The following CMTM8 variants were observed in gnomAD, a reference collection of about 807,000 sequenced individuals.
The protein encoded by CMTM8 is CKLF-like MARVEL transmembrane domain-containing protein 8.
Under a neutral mutation model 18.6 loss-of-function variants are expected in CMTM8, and 12 were observed. The ratio of observed to expected loss-of-function variants is 0.65; its 90% confidence interval spans 0.41 to 1.05. The LOEUF is 1.05. Ranked by LOEUF, CMTM8 falls within the 50% of genes least tolerant of loss-of-function variation. The pLI, the probability that CMTM8 is intolerant of heterozygous loss-of-function variation, is 0.00. For missense variants in CMTM8, 217 were observed against 227.2 expected (o/e 0.95, Z 0.29); for synonymous variants, 87 against 90.6 (o/e 0.96, Z 0.23).
intron 1 of CMTM8, among the ~76,000 whole-genome samples, chr3:32,273,339 C>CAG (rs546639717): frequency 1.4e-4 from 22 of 152,034 alleles, no homozygotes; most frequent in Non-Finnish European, 2.9e-4. Context: ...TGTACACACA[C>CAG]ACACACACAT....
intron 1 of CMTM8, among the ~76,000 whole-genome samples, chr3:32,270,005 C>G (rs1446685097): frequency 6.6e-6 from 1 of 151,958 alleles, no homozygotes; most frequent in South Asian, 2.1e-4. Context: ...AACTCCTATA[C>G]TCAAGTAATC....
intron 1 of CMTM8, among the ~76,000 whole-genome samples, chr3:32,307,270 G>T (rs989193718): frequency 7.2e-5 from 11 of 152,318 alleles, no homozygotes; most frequent in African/African-American, 2.4e-4. Flanking sequence ...AAACCGGAAG[G>T]TAGAGGTTTT....
chr3:32,274,034 G>A (rs1382773729), intron 1 of CMTM8, among the ~76,000 whole-genome samples: 1 of 152,056 alleles, frequency 6.6e-6, no homozygotes, highest in Non-Finnish European at 1.5e-5. Context: ...TTTTAGCTGG[G>A]CACGGTGGCT....
intron 3 of CMTM8, 128 bp from the exon 4 acceptor site, chr3:32,369,756 G>A (rs1695612694): frequency 3.8e-6 from 2 of 524,498 alleles, no homozygotes; most frequent in African/African-American, 3.8e-5. Context: ...CAATAAAGTA[G>A]TTTTAGATGG....
At position 32,367,944 on chromosome 3, in the gene CMTM8, C is replaced by G; in HGVS notation, c.394C>G (p.Pro132Ala). 2 of 1,614,054 alleles carry G rather than the reference C, an allele frequency of 1.2e-6. No individual in the cohort carries two copies. Among genetic ancestry groups the G allele is most frequent in the Non-Finnish European group, 1.7e-6 (2 of 1,179,912 alleles). ...TGTTGTAGATGCATCTTCCGTCTCC[C>G]CTGAGAGGGACAGTCACAACTTCAA... ...AAVVDASSVS[P>A]ERDSHNFNSW... Residue 132 changes from proline (P) to alanine (A), a missense_variant, in exon 3 of 4, where the codon CCT (proline) becomes GCT (alanine). Pro to Ala is a conservative substitution (Grantham distance 27). Transcript: ENST00000307526.
At chr3:32,276,739 T>C (rs1164489711) in intron 1 of CMTM8, among the ~76,000 whole-genome samples, 1 of 152,220 alleles carries the variant, frequency 6.6e-6, no homozygotes, top group Non-Finnish European at 1.5e-5. Flanking sequence ...TGTCTTCCTT[T>C]ATGCCACCTC....
At chr3:32,333,012 G>T (rs1696310953) in intron 1 of CMTM8, among the ~76,000 whole-genome samples, 1 of 152,120 alleles carries the variant, frequency 6.6e-6, no homozygotes, top group Admixed American at 6.5e-5. Flanking sequence ...TACATAGATG[G>T]TAGCAGTCTA....
chr3:32,351,771 A>C (rs1358833963), intron 1 of CMTM8, among the ~76,000 whole-genome samples: 1 of 152,118 alleles, frequency 6.6e-6, no homozygotes, highest in Non-Finnish European at 1.5e-5. Flanking sequence ...TATGACTTTG[A>C]AAAATAAAAC....
chr3:32,327,711 G>A (rs568617053), intron 1 of CMTM8, among the ~76,000 whole-genome samples: 1 of 152,248 alleles, frequency 6.6e-6, no homozygotes, highest in South Asian at 2.1e-4. Context: ...TTTTTTATGT[G>A]GCAGGTCAAA....
At chr3:32,355,405 C>T (rs1180568585) in intron 1 of CMTM8, among the ~76,000 whole-genome samples, 6 of 152,070 alleles carry the variant, frequency 3.9e-5, no homozygotes, top group Admixed American at 2.0e-4. Context: ...CCATTGTATC[C>T]GCTCCCTTCT....
At chr3:32,240,882 G>C (rs547037178) in intron 1 of CMTM8, among the ~76,000 whole-genome samples, 1 of 152,142 alleles carries the variant, frequency 6.6e-6, no homozygotes, top group South Asian at 2.1e-4. Context: ...TGACCTCTTG[G>C]GCTCAAGCGA....
intron 1 of CMTM8, among the ~76,000 whole-genome samples, chr3:32,298,311 A>G (rs1303168227): frequency 6.6e-6 from 1 of 152,054 alleles, no homozygotes; most frequent in African/African-American, 2.4e-5. Flanking sequence ...ATCTCAAGCA[A>G]TCCACCCGCA....
intron 3 of CMTM8, 86 bp from the exon 4 acceptor site, chr3:32,369,798 G>A (rs1695613340): frequency 1.3e-6 from 1 of 743,944 alleles, no homozygotes; most frequent in Admixed American, 2.1e-5. Flanking sequence ...GGTAGTGAGT[G>A]GGTGATTCAA....
At chr3:32,278,142 A>G (rs987276510) in intron 1 of CMTM8, among the ~76,000 whole-genome samples, 1 of 152,136 alleles carries the variant, frequency 6.6e-6, no homozygotes, top group Non-Finnish European at 1.5e-5. Context: ...CTTCAGTAGG[A>G]TGGAGAAGTA....
chr3:32,281,397 TC>T (rs947995794), intron 1 of CMTM8, among the ~76,000 whole-genome samples: 2 of 152,168 alleles, frequency 1.3e-5, no homozygotes, highest in African/African-American at 4.8e-5. Context: ...AAAAACTGGT[TC>T]TTGGGGGTAG....
chr3:32,348,951 A>G (rs902312467), intron 1 of CMTM8, among the ~76,000 whole-genome samples: 1 of 151,696 alleles, frequency 6.6e-6, no homozygotes, highest in Non-Finnish European at 1.5e-5. Flanking sequence ...TTTAATTTCT[A>G]CTATTCCATT....
intron 1 of CMTM8, among the ~76,000 whole-genome samples, chr3:32,290,491 G>C (rs761633503): frequency 7.9e-5 from 12 of 152,294 alleles, no homozygotes; most frequent in South Asian, 4.2e-4. Flanking sequence ...TGTATATTAA[G>C]CTGCTTCTAA....
intron 1 of CMTM8, among the ~76,000 whole-genome samples, chr3:32,275,928 T>A (rs1369180902): frequency 1.3e-5 from 2 of 152,052 alleles, no homozygotes; most frequent in Non-Finnish European, 2.9e-5. Context: ...GGATCACAGG[T>A]GTGAGTTACC....
At chr3:32,303,683 G>T (rs564186642) in intron 1 of CMTM8, among the ~76,000 whole-genome samples, 1 of 150,744 alleles carries the variant, frequency 6.6e-6, no homozygotes, top group East Asian at 2.0e-4. Flanking sequence ...GAACAATATA[G>T]ACTCCTTCGC....
Sources: gnomAD v4.1 joint callset for allele counts (sites outside exome capture counted in the v4.1 genomes callset) on GRCh38, gnomAD v4.1.1 for gene constraint, MANE v1.5 for transcripts, NCBI Gene and HGNC (gene_info 2026-07-23, HGNC 2026-07-21) for gene names.